Variants in NIPSNAP2 observed in about 807,000 individuals in gnomAD.
NIPSNAP2 encodes the protein protein NipSnap homolog 2.
A neutral mutation model predicts 48.4 loss-of-function variants in NIPSNAP2; 42 were observed. The observed-to-expected ratio is 0.87, with a 90% CI of 0.68 to 1.12. NIPSNAP2 has a LOEUF of 1.12. NIPSNAP2 is among the 50% of genes most tolerant of loss of function. The pLI is 0.00. For missense variants in NIPSNAP2, 314 were observed against 347.3 expected, an observed-to-expected ratio of 0.90 and a Z score of 0.76; for synonymous variants, 158 against 126.6, an observed-to-expected ratio of 1.25 and a Z score of -1.67.
chr7:55,996,222 G>T (rs1425094085), intron 8 of NIPSNAP2, among the ~76,000 whole-genome samples: 6 of 149,972 alleles, frequency 4.0e-5, no homozygotes, highest in African/African-American at 1.2e-4. Flanking sequence ...AGAGGCGGAG[G>T]TTGCAGTGAG....
At position 55,999,740 on chromosome 7, in the gene NIPSNAP2, T is replaced by G. The variant is rs975453820; in HGVS notation, c.*668T>G. The G allele has an allele frequency of 6.6e-6, 1 of 152,302 alleles. No homozygotes were observed. The highest frequency in any genetic ancestry group is 2.4e-5 in the African/African-American group (1 of 41,462). The allele number at this position is 152,302 out of a possible 1,614,324, so 9.4% of individuals were successfully genotyped here. ...TGGCTTGAAACTTGTGTATCATATG[T>G]GATTTTGAAATGAACACCTTGAATA... On this transcript the variant is annotated 3_prime_UTR_variant, in exon 10 of 10. Coordinates refer to ENST00000322090, the MANE Select transcript of NIPSNAP2 (RefSeq NM_001483.3).
At position 55,983,831 on chromosome 7, in the gene NIPSNAP2, G is replaced by A. The variant is rs758332860; in HGVS notation, c.548G>A (p.Gly183Glu). ...SFWNEPVPRS[G>E]PNIYELRSYQ... ...TGGAATGAGCCTGTGCCAAGATCCG[G>A]ACCTAATATATATGAACTCAGGTCT... Residue 183 changes from glycine (G) to glutamate (E), a missense_variant, in exon 6 of 10, where the codon GGA becomes GAA. Around this residue, in one of 2 missense-constraint regions of NIPSNAP2, gnomAD observed 116 missense variants for 161.8 expected, o/e 0.72. Coordinates refer to ENST00000322090, the MANE Select transcript of NIPSNAP2 (RefSeq NM_001483.3). 6.2e-7 allele frequency: 1 copy of A among 1,614,002 alleles called. No homozygotes were observed. The highest frequency in any genetic ancestry group is 1.1e-5 in the South Asian group (1 of 91,074).
At chr7:55,988,793 A>C (rs1787384553) in intron 7 of NIPSNAP2, among the ~76,000 whole-genome samples, 2 of 151,994 alleles carry the variant, frequency 1.3e-5, no homozygotes, top group South Asian at 4.2e-4. Flanking sequence ...TGAACCCAGG[A>C]GGTGGAGGTT....
chr7:55,986,983 T>TA (rs71561981), intron 7 of NIPSNAP2, among the ~76,000 whole-genome samples: 17,537 of 54,042 alleles, frequency 0.32, 3,189 homozygotes, highest in Non-Finnish European at 0.42. Context: ...CCTGTCTCTA[T>TA]AAAAAAAAAA....
At chr7:55,970,956 C>G (rs748967173) in intron 1 of NIPSNAP2, among the ~76,000 whole-genome samples, 9 of 152,120 alleles carry the variant, frequency 5.9e-5, no homozygotes, top group Non-Finnish European at 1.3e-4. Flanking sequence ...GCCACTCTGG[C>G]TGTTTACTGA....
At chr7:55,981,822 T>C (rs1169089445) in intron 4 of NIPSNAP2, 2 of 410,366 alleles carry the variant, frequency 4.9e-6, no homozygotes, top group African/African-American at 2.0e-5. Flanking sequence ...TTTTTGTTTT[T>C]TGAGACAGAG....
rs1002092857 is a variant in NIPSNAP2, at chr7:55,999,464, T to C, written c.*392T>C. 6.3e-6 allele frequency: 1 copy of C among 158,972 alleles called. No homozygotes were observed. The highest frequency in any genetic ancestry group is 1.4e-5 in the Non-Finnish European group (1 of 72,462). 9.8% of individuals were successfully genotyped at this position (158,972 alleles called of 1,614,324 possible). A position where few individuals can be genotyped will look rare whatever the true frequency, so the allele number is the denominator to read the frequency against. The stretch of plus-strand genomic sequence containing the variant: ...ACAAATCTGTTTTATAATCACAGAT[T>C]TTTAGACAAATTTCTTGTATCAGGA... On this transcript the variant is annotated 3_prime_UTR_variant, in exon 10 of 10. Transcript: ENST00000322090.
Position 55,997,457 on chromosome 7 carries a change from C to A in NIPSNAP2, c.796+8C>A. 1 of 1,595,282 alleles carries A rather than the reference C, an allele frequency of 6.3e-7. No individual in the cohort carries two copies. Among genetic ancestry groups the A allele is most frequent in the South Asian group, 1.1e-5 (1 of 90,670 alleles). On this transcript the variant is annotated splice_region_variant and intron_variant, in intron 9 of 9. Transcript: ENST00000322090. ...AATTGGTATATTACACAGGTAATCT[C>A]TTAACAGCCATGAAATATGCTTTTT... is the stretch of plus-strand genomic sequence containing the variant.
intron 1 of NIPSNAP2, among the ~76,000 whole-genome samples, chr7:55,971,350 T>C (rs1787012869): frequency 6.6e-6 from 1 of 152,194 alleles, no homozygotes; most frequent in Admixed American, 6.5e-5. Flanking sequence ...TCAGGTTCTT[T>C]TGTGTGTGCT....
At chr7:55,995,103 TCA>T (rs1251790207) in intron 8 of NIPSNAP2, 115 bp downstream of exon 8, 12 of 826,316 alleles carry the variant, frequency 1.5e-5, no homozygotes, top group Admixed American at 2.0e-5. Context: ...AAATCCGACG[TCA>T]CAGAGGGACA....
intron 1 of NIPSNAP2, among the ~76,000 whole-genome samples, chr7:55,968,800 C>T (rs1357000764): frequency 6.6e-5 from 10 of 152,018 alleles, no homozygotes; most frequent in African/African-American, 1.2e-4. Flanking sequence ...CCAAGGCTCA[C>T]GGATCACATG....
At chr7:55,978,093 ATAC>A (rs759224266) in intron 1 of NIPSNAP2, 30 bp from the exon 2 acceptor site, 2 of 1,612,752 alleles carry the variant, frequency 1.2e-6, no homozygotes, top group Non-Finnish European at 1.7e-6. Context: ...TGAAAACAGT[ATAC>A]TGCGTGACAA....
intron 1 of NIPSNAP2, among the ~76,000 whole-genome samples, chr7:55,969,820 A>G (rs977801637): frequency 3.3e-5 from 5 of 151,832 alleles, no homozygotes; most frequent in South Asian, 2.1e-4. Context: ...TGTCTCTACT[A>G]AAAATACAAA....
At chr7:55,989,950 C>CAAA (rs34909004) in intron 7 of NIPSNAP2, among the ~76,000 whole-genome samples, 2 of 118,886 alleles carry the variant, frequency 1.7e-5, no homozygotes, top group Non-Finnish European at 3.6e-5. Context: ...ACTAAAAATC[C>CAAA]AAAAAAAAAA....
At chr7:55,986,650 C>T (rs950046563) in intron 7 of NIPSNAP2, among the ~76,000 whole-genome samples, 1 of 151,302 alleles carries the variant, frequency 6.6e-6, no homozygotes, top group Non-Finnish European at 1.5e-5. Context: ...TGACAGCAGA[C>T]TGTTTCAAAA....
At chr7:55,993,403 C>A (rs942803987) in intron 7 of NIPSNAP2, among the ~76,000 whole-genome samples, 1 of 151,508 alleles carries the variant, frequency 6.6e-6, no homozygotes, top group Admixed American at 6.6e-5. Flanking sequence ...CATGGCGAAA[C>A]CTCATGCCTA....
intron 6 of NIPSNAP2, 117 bp downstream of exon 6, chr7:55,983,985 G>GTA (rs1164692378): frequency 9.3e-6 from 6 of 647,424 alleles, no homozygotes; most frequent in African/African-American, 9.2e-5. Flanking sequence ...AGCATTATAT[G>GTA]TATATATATG....
chr7:55,971,613 C>T (rs1177100770), intron 1 of NIPSNAP2, among the ~76,000 whole-genome samples: 1 of 152,110 alleles, frequency 6.6e-6, no homozygotes, highest in Non-Finnish European at 1.5e-5. Flanking sequence ...TAAGCACGAG[C>T]CACCATGCCC....
chr7:55,965,578 GTTTA>G (rs755298190), intron 1 of NIPSNAP2, among the ~76,000 whole-genome samples: 2 of 152,034 alleles, frequency 1.3e-5, no homozygotes, highest in African/African-American at 4.8e-5. Context: ...TATTGTTGTT[GTTTA>G]TTTATTTATA....
Sources: allele counts gnomAD v4.1 joint callset (sites outside exome capture counted in the v4.1 genomes callset), GRCh38; gene constraint gnomAD v4.1.1; regional missense constraint gnomAD v4.1.1; transcripts MANE v1.5; gene names NCBI Gene and HGNC (gene_info 2026-07-23, HGNC 2026-07-21).